Variants in ASTN2 observed in about 807,000 individuals in gnomAD.
ASTN2 encodes the protein astrotactin 2, also known as astrotactin-2.
Under a neutral mutation model 139.8 loss-of-function variants are expected in ASTN2, and 54 were observed. The observed-to-expected ratio is 0.39, with a 90% CI of 0.31 to 0.48. The LOEUF (loss-of-function observed/expected upper bound fraction) is 0.48, where lower values mean the gene tolerates loss of function less well. Ranked by LOEUF, ASTN2 falls within the 20% of genes least tolerant of loss-of-function variation. The pLI is 0.95. For missense variants in ASTN2, 1,565 were observed against 1,725.1 expected (o/e 0.91, Z 1.64); for synonymous variants, 756 against 719.5 (o/e 1.05, Z -0.81).
chr9:116,950,039 C>T (rs1345355024), intron 10 of ASTN2, among the ~76,000 whole-genome samples: 1 of 151,100 alleles, frequency 6.6e-6, no homozygotes, highest in Non-Finnish European at 1.5e-5. Context: ...TGAATGTTCT[C>T]TTACAGAGGT....
Position 117,174,123 on chromosome 9 carries a change from CTAGATAGATAGA to C in ASTN2, c.1016-32657_1016-32646del, listed in dbSNP as rs35789854. Among the ~76,000 whole-genome samples, 1,015 of 146,944 alleles carry C rather than the reference CTAGATAGATAGA, an allele frequency of 6.9e-3. 1 individual carries two copies. Among genetic ancestry groups the C allele is most frequent in the Middle Eastern group, 0.011 (3 of 268 alleles). On this transcript the variant is annotated intron_variant, in intron 3 of 22. Coordinates refer to ENST00000313400, the MANE Select transcript of ASTN2 (RefSeq NM_001365068.1). ...GGGATATGTATAGCTAGCTAGCTAA[CTAGATAGATAGA>C]TAGATAGATAGATAGATAGATAGAT...
At chr9:117,215,472 T>TATATATATATATATATATTATATATATA (rs1554792028) in intron 2 of ASTN2, among the ~76,000 whole-genome samples, 3 of 145,070 alleles carry the variant, frequency 2.1e-5, no homozygotes, top group African/African-American at 7.7e-5. Context: ...TCAACTGATA[T>TATATATATATATATATATTATATATATA]ATATATATAT....
At chr9:117,379,199 G>A (rs1036775857) in intron 1 of ASTN2, among the ~76,000 whole-genome samples, 15 of 152,102 alleles carry the variant, frequency 9.9e-5, no homozygotes, top group Admixed American at 9.8e-4. Context: ...TGCAGTCTTT[G>A]AGTCAAACTG....
chr9:116,898,409 C>CAAA lies in ASTN2; in HGVS notation c.1890-34679_1890-34677dup, dbSNP rs60880553. ...TGGGTGACAGAACAAGACCCTGTCT[C>CAAA]AAAAAAAAAAAAAAGAGTTTGGAAA... On this transcript the variant is annotated intron_variant, in intron 10 of 22. Coordinates refer to ENST00000313400, the MANE Select transcript of ASTN2 (RefSeq NM_001365068.1). Among the ~76,000 whole-genome samples, 672 of 138,518 alleles carry CAAA rather than the reference C, an allele frequency of 4.9e-3. 7 individuals carry two copies. Among genetic ancestry groups the CAAA allele is most frequent in the African/African-American group, 8.1e-3 (299 of 36,970 alleles). The allele number at this position is 138,518 out of a possible 152,430, so 90.9% of individuals were successfully genotyped here. A position where few individuals can be genotyped will look rare whatever the true frequency, so the allele number is the denominator to read the frequency against.
chr9:116,573,248 C>G (rs1853595226), intron 19 of ASTN2, among the ~76,000 whole-genome samples: 1 of 152,220 alleles, frequency 6.6e-6, no homozygotes, highest in African/African-American at 2.4e-5. Context: ...TTCTTTAACT[C>G]AGGATGACAG....
At chr9:117,045,696 A>C (rs1487684519) in intron 5 of ASTN2, among the ~76,000 whole-genome samples, 1 of 152,184 alleles carries the variant, frequency 6.6e-6, no homozygotes, top group African/African-American at 2.4e-5. Context: ...TGAATCAATC[A>C]CATTTTATAA....
intron 11 of ASTN2, among the ~76,000 whole-genome samples, chr9:116,832,264 T>C (rs1454043697): frequency 2.0e-5 from 3 of 152,174 alleles, no homozygotes; most frequent in Non-Finnish European, 2.9e-5. Context: ...ATTTTCTATG[T>C]AAAAAAATCA....
intron 19 of ASTN2, among the ~76,000 whole-genome samples, chr9:116,544,245 A>G (rs1851998444): frequency 6.6e-6 from 1 of 152,162 alleles, no homozygotes; most frequent in East Asian, 1.9e-4. Flanking sequence ...AGGTATTTGG[A>G]TGAAAAATGG....
chr9:117,302,774 TA>T (rs1453763076), intron 1 of ASTN2, among the ~76,000 whole-genome samples: 2 of 152,158 alleles, frequency 1.3e-5, no homozygotes, highest in Non-Finnish European at 2.9e-5. Context: ...CCTAGAAGAA[TA>T]AACATACTTG....
intron 13 of ASTN2, among the ~76,000 whole-genome samples, chr9:116,799,700 A>C (rs2132235103): frequency 8.9e-6 from 1 of 112,356 alleles, no homozygotes; most frequent in East Asian, 4.3e-4. Context: ...AATGTGGGTA[A>C]GAGAGTGGGG....
intron 16 of ASTN2, among the ~76,000 whole-genome samples, chr9:116,715,498 C>G (rs1276719426): frequency 6.6e-6 from 1 of 152,126 alleles, no homozygotes; most frequent in Admixed American, 6.6e-5. Context: ...CAAATGCCTA[C>G]TCACCCTTAG....
chr9:117,175,239 C>G (rs1020445191), intron 3 of ASTN2, among the ~76,000 whole-genome samples: 10 of 152,034 alleles, frequency 6.6e-5, no homozygotes, highest in Non-Finnish European at 1.3e-4. Context: ...AAATTAGATA[C>G]AACTAAAAGT....
chr9:116,691,636 C>A (rs1306315908), intron 16 of ASTN2, among the ~76,000 whole-genome samples: 1 of 152,200 alleles, frequency 6.6e-6, no homozygotes, highest in African/African-American at 2.4e-5. Flanking sequence ...TCCCTATAAG[C>A]CCCTACTTGT....
chr9:116,676,293 T>C (rs1478791150), intron 16 of ASTN2, among the ~76,000 whole-genome samples: 1 of 152,188 alleles, frequency 6.6e-6, no homozygotes, highest in East Asian at 1.9e-4. Context: ...AGGGTTTGAT[T>C]AATAGCAAAA....
intron 13 of ASTN2, among the ~76,000 whole-genome samples, chr9:116,803,186 T>G (rs866376233): frequency 3.9e-5 from 6 of 152,120 alleles, no homozygotes; most frequent in Non-Finnish European, 7.3e-5. Flanking sequence ...CTATCCATGA[T>G]GTTGCTCAAG....
intron 4 of ASTN2, among the ~76,000 whole-genome samples, chr9:117,115,111 C>T (rs535356114): frequency 3.9e-5 from 6 of 152,312 alleles, no homozygotes; most frequent in African/African-American, 1.4e-4. Context: ...CTTTTAACCA[C>T]AAAGCTTTGG....
At chr9:116,774,182 T>C (rs1487022918) in intron 13 of ASTN2, among the ~76,000 whole-genome samples, 1 of 152,200 alleles carries the variant, frequency 6.6e-6, no homozygotes, top group Non-Finnish European at 1.5e-5. Context: ...TAAAGACCAC[T>C]GCCCCTCCAA....
intron 1 of ASTN2, among the ~76,000 whole-genome samples, chr9:117,316,489 G>A (rs1001495429): frequency 6.6e-5 from 10 of 152,232 alleles, no homozygotes; most frequent in East Asian, 1.9e-4. Flanking sequence ...GGTGGGGAGC[G>A]ATGGAAGGGG....
chr9:116,707,715 A>G (rs139242020), intron 16 of ASTN2, among the ~76,000 whole-genome samples: 21 of 152,340 alleles, frequency 1.4e-4, no homozygotes, highest in Admixed American at 2.6e-4. Flanking sequence ...TTGTACCTCT[A>G]CAACCTAGGT....
Sources: gnomAD v4.1 joint callset for allele counts (sites outside exome capture counted in the v4.1 genomes callset) on GRCh38, gnomAD v4.1.1 for gene constraint, MANE v1.5 for transcripts, NCBI Gene and HGNC (gene_info 2026-07-23, HGNC 2026-07-21) for gene names.